Variants in ELMO1 observed in about 807,000 individuals in gnomAD.
ELMO1 encodes engulfment and cell motility protein 1.
Under a neutral mutation model 98.9 loss-of-function variants are expected in ELMO1, and 26 were observed. That is an observed-to-expected ratio of 0.26 (90% confidence interval 0.19 to 0.36). The LOEUF (loss-of-function observed/expected upper bound fraction) is 0.36. Ranked by LOEUF, ELMO1 falls within the 10% of genes least tolerant of loss-of-function variation. ELMO1 has a pLI of 1.00. For missense variants in ELMO1, 627 were observed against 935.2 expected, an observed-to-expected ratio of 0.67 and a Z score of 4.30; for synonymous variants, 346 against 346.0, an observed-to-expected ratio of 1.00 and a Z score of 0.00.
At chr7:37,024,387 A>G (rs1018579639) in intron 15 of ELMO1, among the ~76,000 whole-genome samples, 1 of 152,204 alleles carries the variant, frequency 6.6e-6, no homozygotes, top group African/African-American at 2.4e-5. Context: ...GAGTGTGATA[A>G]AGTGACAACT....
chr7:37,366,677 C>T (rs1194932107), intron 1 of ELMO1, among the ~76,000 whole-genome samples: 1 of 152,210 alleles, frequency 6.6e-6, no homozygotes, highest in African/African-American at 2.4e-5. Context: ...TCAATGCTGG[C>T]TTATTCCTCT....
At chr7:37,251,008 G>A (rs1462767136) in intron 6 of ELMO1, among the ~76,000 whole-genome samples, 2 of 151,964 alleles carry the variant, frequency 1.3e-5, no homozygotes, top group Non-Finnish European at 2.9e-5. Flanking sequence ...TCTGCCCCTA[G>A]TGATGACTGA....
chr7:37,408,418 T>C (rs1404063147), intron 1 of ELMO1, among the ~76,000 whole-genome samples: 2 of 152,138 alleles, frequency 1.3e-5, no homozygotes, highest in South Asian at 2.1e-4. Flanking sequence ...CTGCTGTTGG[T>C]AGGAAGTGGA....
intron 16 of ELMO1, among the ~76,000 whole-genome samples, chr7:36,959,611 A>C (rs1239698996): frequency 2.0e-5 from 3 of 152,144 alleles, no homozygotes; most frequent in African/African-American, 7.2e-5. Context: ...TGACTGAGGG[A>C]ATTTCCTCCA....
At chr7:36,921,098 G>A (rs1007834698) in intron 16 of ELMO1, among the ~76,000 whole-genome samples, 1 of 151,726 alleles carries the variant, frequency 6.6e-6, no homozygotes, top group Admixed American at 6.5e-5. Context: ...TATGGAGCAG[G>A]AAGTGAGCCT....
intron 13 of ELMO1, among the ~76,000 whole-genome samples, chr7:37,183,955 T>A (rs1791039980): frequency 6.6e-6 from 1 of 152,238 alleles, no homozygotes; most frequent in Non-Finnish European, 1.5e-5. Flanking sequence ...GGTTGCTTCC[T>A]ACTGTTTTCC....
chr7:36,901,761 A>G (rs2129059229), intron 16 of ELMO1, among the ~76,000 whole-genome samples: 1 of 152,302 alleles, frequency 6.6e-6, no homozygotes, highest in South Asian at 2.1e-4. Context: ...AATATGTTAT[A>G]AGGTTCCCTC....
At chr7:37,053,089 T>C (rs964901508) in intron 15 of ELMO1, among the ~76,000 whole-genome samples, 1 of 152,164 alleles carries the variant, frequency 6.6e-6, no homozygotes, top group Admixed American at 6.5e-5. Flanking sequence ...TTTCCAGACA[T>C]GGACAAAACA....
intron 4 of ELMO1, among the ~76,000 whole-genome samples, chr7:37,284,515 G>A (rs1197284497): frequency 2.0e-5 from 3 of 152,226 alleles, no homozygotes; most frequent in South Asian, 2.1e-4. Context: ...CCTTGACATC[G>A]CTGGCTCTGA....
intron 15 of ELMO1, among the ~76,000 whole-genome samples, chr7:37,076,328 C>CT (rs1363568329): frequency 6.6e-6 from 1 of 152,096 alleles, no homozygotes; most frequent in Non-Finnish European, 1.5e-5. Context: ...AAGGTCATGA[C>CT]TAAAGAGGAA....
intron 15 of ELMO1, among the ~76,000 whole-genome samples, chr7:37,095,340 G>A (rs186150119): frequency 4.6e-5 from 7 of 152,334 alleles, no homozygotes; most frequent in Admixed American, 3.9e-4. Flanking sequence ...ACATCCTTAA[G>A]CTGAGTAAAC....
At chr7:37,368,332 A>G (rs1307919471) in intron 1 of ELMO1, among the ~76,000 whole-genome samples, 1 of 152,244 alleles carries the variant, frequency 6.6e-6, no homozygotes. Context: ...GGAACAAAGC[A>G]TCAGAAAGAA....
chr7:37,203,857 C>G (rs1441360389), intron 13 of ELMO1, among the ~76,000 whole-genome samples: 1 of 152,086 alleles, frequency 6.6e-6, no homozygotes, highest in African/African-American at 2.4e-5. Context: ...TGGCTTTCCT[C>G]TCTGTCGACC....
At chr7:37,010,777 C>T (rs1264549195) in intron 16 of ELMO1, among the ~76,000 whole-genome samples, 3 of 152,020 alleles carry the variant, frequency 2.0e-5, no homozygotes, top group African/African-American at 7.3e-5. Flanking sequence ...TTTGTTGTAT[C>T]AGCAACAGAA....
chr7:36,986,457 CAAG>C (rs931726632), intron 16 of ELMO1: 1 of 169,374 alleles, frequency 5.9e-6, no homozygotes, highest in African/African-American at 2.4e-5. Context: ...CAAATAAGGA[CAAG>C]AAGAAAAAGA....
chr7:37,358,630 AAAATCTTACTTTTCTCAGCCTTTC>A (rs1408150865), intron 1 of ELMO1, among the ~76,000 whole-genome samples: 8 of 152,192 alleles, frequency 5.3e-5, no homozygotes, highest in African/African-American at 1.9e-4. Flanking sequence ...GGACACCTAA[AAAATCTTACTTTTCTCAGCCTTTC>A]AAATCTTACT....
chr7:36,951,501 T>C (rs1275520365), intron 16 of ELMO1, among the ~76,000 whole-genome samples: 2 of 152,196 alleles, frequency 1.3e-5, no homozygotes, highest in Non-Finnish European at 2.9e-5. Context: ...TCAGTGGTTC[T>C]CAATCTAGGG....
At chr7:37,033,347 C>T (rs2129187479) in intron 15 of ELMO1, 4 of 454,826 alleles carry the variant, frequency 8.8e-6, no homozygotes, top group South Asian at 4.7e-5. Context: ...ACCTACTTAC[C>T]TCCGAGACAC....
At chr7:37,005,193 A>G (rs1053693610) in intron 16 of ELMO1, among the ~76,000 whole-genome samples, 1 of 151,888 alleles carries the variant, frequency 6.6e-6, no homozygotes, top group Non-Finnish European at 1.5e-5. Flanking sequence ...GATGACTCAG[A>G]TTCCTCGCAT....
Sources: allele counts gnomAD v4.1 joint callset (sites outside exome capture counted in the v4.1 genomes callset), GRCh38; gene constraint gnomAD v4.1.1; transcripts MANE v1.5; gene names NCBI Gene and HGNC (gene_info 2026-07-23, HGNC 2026-07-21).